Variants in SHROOM3 observed in about 807,000 individuals in gnomAD.
SHROOM3 encodes the protein shroom family member 3, also known as protein Shroom3.
A neutral mutation model predicts 138.6 loss-of-function variants in SHROOM3; 47 were observed. The observed-to-expected ratio is 0.34, with a 90% CI of 0.27 to 0.43. SHROOM3 has a LOEUF of 0.43. SHROOM3 is among the 20% of genes least tolerant of loss of function. The probability of loss-of-function intolerance (pLI) is 1.00; values close to 1 mark genes in which losing one functional copy is unlikely to be tolerated. For synonymous variants in SHROOM3, 1,062 were observed against 1,063.3 expected, an observed-to-expected ratio of 1.00 and a Z score of 0.02; for missense variants, 2,491 against 2,596.5, an observed-to-expected ratio of 0.96 and a Z score of 0.88.
chr4:76,468,967 C>G (rs1043506424), intron 1 of SHROOM3, among the ~76,000 whole-genome samples: 8 of 150,430 alleles, frequency 5.3e-5, no homozygotes, highest in South Asian at 2.1e-4. Context: ...CTGGGAGGTG[C>G]AGCTTGCAGT....
At position 76,688,260 on chromosome 4, in the gene SHROOM3, G is replaced by A. The variant is rs78442683; in HGVS notation, c.324-21896G>A. On this transcript the variant is annotated intron_variant, in intron 2 of 10. Transcript: ENST00000296043. The stretch of plus-strand genomic sequence containing the variant: ...AATTTTAAGGAGGATAATACTTTAT[G>A]GCAGGGAGGAGCCTGTCCATGAAGG... 3,372 of 352,064 alleles carry A rather than the reference G, an allele frequency of 9.6e-3. 22 individuals carry two copies. Among genetic ancestry groups the A allele is most frequent in the Non-Finnish European group, 0.012 (2,998 of 251,098 alleles). 21.8% of individuals were successfully genotyped at this position (352,064 alleles called of 1,614,324 possible). A position where few individuals can be genotyped will look rare whatever the true frequency, so the allele number is the denominator to read the frequency against.
In SHROOM3 at chr4:76,745,425, G is replaced by A. The variant is rs562409703; in HGVS notation, c.3753+3499G>A. ...ATTTTCAGGGAACTTCATGTCTGAT[G>A]TGTAACATAATCACTATGAGATGGT... On this transcript the variant is annotated intron_variant, in intron 5 of 10. Coordinates refer to ENST00000296043, the MANE Select transcript of SHROOM3 (RefSeq NM_020859.4). Among the ~76,000 whole-genome samples, 4 of 152,336 alleles carry A rather than the reference G, an allele frequency of 2.6e-5. No homozygotes were observed. The South Asian group carries it at 8.3e-4, about 32-fold the overall frequency.
chr4:76,623,203 C>T (rs1735046661), intron 2 of SHROOM3, among the ~76,000 whole-genome samples: 1 of 152,012 alleles, frequency 6.6e-6, no homozygotes, highest in South Asian at 2.1e-4. Context: ...TCCTTTCTTC[C>T]TTCTTCCCTA....
At chr4:76,508,955 G>A (rs1317254229) in intron 1 of SHROOM3, among the ~76,000 whole-genome samples, 1 of 152,126 alleles carries the variant, frequency 6.6e-6, no homozygotes, top group East Asian at 1.9e-4. Context: ...AAGGCGGAAG[G>A]ACAAAGGAAT....
chr4:76,663,950 C>T (rs891154715), intron 2 of SHROOM3, among the ~76,000 whole-genome samples: 1 of 152,180 alleles, frequency 6.6e-6, no homozygotes, highest in Non-Finnish European at 1.5e-5. Flanking sequence ...CTGCCTCACC[C>T]CAAGCTGCAG....
chr4:76,650,005 G>A (rs1735917748), intron 2 of SHROOM3, among the ~76,000 whole-genome samples: 1 of 152,164 alleles, frequency 6.6e-6, no homozygotes, highest in Admixed American at 6.6e-5. Context: ...TGGCTCGCAG[G>A]TGGCTTCCTT....
intron 1 of SHROOM3, among the ~76,000 whole-genome samples, chr4:76,486,473 C>T (rs910390032): frequency 9.9e-5 from 15 of 152,218 alleles, no homozygotes; most frequent in African/African-American, 3.6e-4. Flanking sequence ...GGGAATAAAC[C>T]CTGTAGCCTG....
At chr4:76,510,068 TAA>T (rs1732300427) in intron 1 of SHROOM3, among the ~76,000 whole-genome samples, 1 of 152,118 alleles carries the variant, frequency 6.6e-6, no homozygotes, top group African/African-American at 2.4e-5. Context: ...ACTCTGAAAA[TAA>T]GTTTGCCAAT....
chr4:76,767,173 C>G (rs1722183635), intron 9 of SHROOM3, among the ~76,000 whole-genome samples: 1 of 152,174 alleles, frequency 6.6e-6, no homozygotes, highest in Non-Finnish European at 1.5e-5. Flanking sequence ...TTTGACCCTT[C>G]CAGTCCACTG....
At chr4:76,487,443 ATTCTC>A (rs1435519630) in intron 1 of SHROOM3, among the ~76,000 whole-genome samples, 1 of 152,200 alleles carries the variant, frequency 6.6e-6, no homozygotes. Flanking sequence ...TAAGCTTTTA[ATTCTC>A]TTAGGCATAT....
intron 9 of SHROOM3, 65 bp from the exon 10 acceptor site, chr4:76,770,561 G>A (rs7676973): frequency 0.061 from 97,915 of 1,595,528 alleles, 3,380 homozygotes; most frequent in Non-Finnish European, 0.069. Flanking sequence ...GGCTGGGGGA[G>A]GTGACTTCTG....
intron 1 of SHROOM3, among the ~76,000 whole-genome samples, chr4:76,518,363 G>A (rs995679927): frequency 6.6e-6 from 1 of 152,094 alleles, no homozygotes. Flanking sequence ...CTTTGTTGTG[G>A]TTGAATGAGA....
intron 2 of SHROOM3, among the ~76,000 whole-genome samples, chr4:76,701,808 G>C (rs994608638): frequency 2.0e-5 from 3 of 152,154 alleles, no homozygotes; most frequent in Admixed American, 6.6e-5. Flanking sequence ...TCACCAACTA[G>C]TGTGGAGTCT....
At chr4:76,527,114 G>T (rs1239290162) in intron 1 of SHROOM3, among the ~76,000 whole-genome samples, 3 of 152,134 alleles carry the variant, frequency 2.0e-5, no homozygotes. Context: ...AAAGAAGGGG[G>T]CAGGCAGGGA....
intron 2 of SHROOM3, among the ~76,000 whole-genome samples, chr4:76,701,917 A>G (rs772076819): frequency 3.9e-5 from 6 of 152,230 alleles, no homozygotes; most frequent in African/African-American, 1.4e-4. Context: ...GACTCATTCT[A>G]TTAAGAAAAA....
intron 2 of SHROOM3, among the ~76,000 whole-genome samples, chr4:76,644,724 A>G (rs1418967864): frequency 1.3e-5 from 2 of 152,218 alleles, no homozygotes; most frequent in East Asian, 3.8e-4. Flanking sequence ...TTTAAAAGTT[A>G]TATAGGATTC....
intron 2 of SHROOM3, among the ~76,000 whole-genome samples, chr4:76,678,677 T>C (rs997307629): frequency 1.3e-5 from 2 of 152,228 alleles, no homozygotes; most frequent in African/African-American, 4.8e-5. Flanking sequence ...TTTATTTTTT[T>C]GAGACGAAGT....
intron 1 of SHROOM3, among the ~76,000 whole-genome samples, chr4:76,547,625 CG>C (rs1328967798): frequency 1.3e-5 from 2 of 151,946 alleles, no homozygotes; most frequent in Non-Finnish European, 2.9e-5. Context: ...AAGCAAGATA[CG>C]TAAGTAAAAA....
At chr4:76,776,412 T>TG (rs1482764214) in intron 10 of SHROOM3, among the ~76,000 whole-genome samples, 1 of 152,278 alleles carries the variant, frequency 6.6e-6, no homozygotes, top group Non-Finnish European at 1.5e-5. Flanking sequence ...TTTACTCTGC[T>TG]GTTTTTATTT....
Sources: allele counts gnomAD v4.1 joint callset (sites outside exome capture counted in the v4.1 genomes callset), GRCh38; gene constraint gnomAD v4.1.1; transcripts MANE v1.5; gene names NCBI Gene and HGNC (gene_info 2026-07-23, HGNC 2026-07-21).